Variants in TMEM65 observed in about 807,000 individuals in gnomAD.
TMEM65 encodes transmembrane protein 65.
TMEM65 carries 22 observed loss-of-function variants against 25.4 expected under a neutral mutation model. The observed-to-expected ratio is 0.86, with a 90% CI of 0.62 to 1.23. TMEM65 has a LOEUF of 1.23. TMEM65 is among the 50% of genes most tolerant of loss of function. The probability of loss-of-function intolerance (pLI) is 0.00; values close to 1 mark genes in which losing one functional copy is unlikely to be tolerated. For synonymous variants in TMEM65, 132 were observed against 126.2 expected, an observed-to-expected ratio of 1.05 and a Z score of -0.31; for missense variants, 262 against 308.2, an observed-to-expected ratio of 0.85 and a Z score of 1.12.
At chr8:124,332,734 G>A (rs984929721) in intron 1 of TMEM65, among the ~76,000 whole-genome samples, 1 of 152,026 alleles carries the variant, frequency 6.6e-6, no homozygotes, top group Non-Finnish European at 1.5e-5. Flanking sequence ...CAGAGTACAA[G>A]AGGAATCATG....
intron 1 of TMEM65, among the ~76,000 whole-genome samples, chr8:124,351,825 A>G (rs939984569): frequency 1.3e-5 from 2 of 152,188 alleles, no homozygotes; most frequent in Non-Finnish European, 2.9e-5. Context: ...GCAGTTCAAT[A>G]GCAGTGTCAA....
At chr8:124,338,185 C>G (rs1193741676) in intron 1 of TMEM65, among the ~76,000 whole-genome samples, 1 of 151,974 alleles carries the variant, frequency 6.6e-6, no homozygotes, top group South Asian at 2.1e-4. Flanking sequence ...TTTCCCACAT[C>G]TTTAAATTTT....
At chr8:124,339,813 C>T (rs1010870986) in intron 1 of TMEM65, among the ~76,000 whole-genome samples, 9 of 151,648 alleles carry the variant, frequency 5.9e-5, no homozygotes, top group African/African-American at 2.2e-4. Context: ...GGGACACTGG[C>T]TAACTTTATA....
At chr8:124,326,524 G>T (rs775158993) in intron 3 of TMEM65, among the ~76,000 whole-genome samples, 1 of 151,774 alleles carries the variant, frequency 6.6e-6, no homozygotes, top group Non-Finnish European at 1.5e-5. Flanking sequence ...CTGCCTTCTC[G>T]GAAACTACTA....
At chr8:124,333,473 G>GTGTA (rs1398935149) in intron 1 of TMEM65, among the ~76,000 whole-genome samples, 1 of 122,254 alleles carries the variant, frequency 8.2e-6, no homozygotes, top group Admixed American at 7.6e-5. Context: ...GTGTGTGCGT[G>GTGTA]TGTGTGTGTG....
intron 1 of TMEM65, among the ~76,000 whole-genome samples, chr8:124,367,828 A>C (rs1441024202): frequency 2.0e-5 from 3 of 151,960 alleles, no homozygotes; most frequent in African/African-American, 7.3e-5. Flanking sequence ...TGTCAAAAGC[A>C]CACAATTACC....
intron 1 of TMEM65, among the ~76,000 whole-genome samples, chr8:124,365,989 G>C (rs1814933350): frequency 6.6e-6 from 1 of 152,214 alleles, no homozygotes; most frequent in Non-Finnish European, 1.5e-5. Context: ...GGGAGGCCGA[G>C]GCAGGAGGAT....
chr8:124,327,450 A>G, intron 2 of TMEM65, 29 bp from the exon 3 acceptor site: 1 of 1,437,364 alleles, frequency 7.0e-7, no homozygotes, highest in Non-Finnish European at 9.5e-7. Context: ...AGAAAAATAT[A>G]TTTTAAGATT....
intron 1 of TMEM65, among the ~76,000 whole-genome samples, chr8:124,345,761 T>TTTATTTATTTA (rs1203428605): frequency 1.0e-4 from 10 of 96,764 alleles, no homozygotes; most frequent in Non-Finnish European, 2.0e-4. Context: ...TTATTTATTT[T>TTTATTTATTTA]GAGATGGAGT....
At chr8:124,361,321 G>T (rs113982663) in intron 1 of TMEM65, among the ~76,000 whole-genome samples, 1 of 151,720 alleles carries the variant, frequency 6.6e-6, no homozygotes, top group African/African-American at 2.4e-5. Flanking sequence ...TGTAATCCCA[G>T]CTACTCCAGA....
chr8:124,315,703 A>T (rs372116015), intron 6 of TMEM65, among the ~76,000 whole-genome samples: 1 of 141,732 alleles, frequency 7.1e-6, no homozygotes, highest in Non-Finnish European at 1.5e-5. Flanking sequence ...TTCAACTCTT[A>T]TTTTGAGGCT....
chr8:124,363,378 A>G lies in TMEM65; in HGVS notation c.304+8476T>C, dbSNP rs73333914. Among the ~76,000 whole-genome samples, 500 of 152,280 alleles carry G rather than the reference A, an allele frequency of 3.3e-3. 5 individuals are homozygous for G. The highest frequency in any genetic ancestry group is 0.012 in the African/African-American group (479 of 41,556). ...GTTATCAGTCCTAATTATGGTGATT[A>G]TTTTAAATTAATTATTGTAGGCCAC... is the stretch of plus-strand genomic sequence containing the variant. On this transcript the variant is annotated intron_variant, in intron 1 of 6. Transcript: ENST00000297632.
intron 2 of TMEM65, 59 bp downstream of exon 2, chr8:124,330,689 C>T (rs1415457485): frequency 4.7e-6 from 7 of 1,486,014 alleles, no homozygotes; most frequent in Non-Finnish European, 6.5e-6. Flanking sequence ...ATGAATGATA[C>T]AGTTATTTCA....
intron 1 of TMEM65, among the ~76,000 whole-genome samples, chr8:124,347,235 A>G (rs972054403): frequency 6.6e-6 from 1 of 152,236 alleles, no homozygotes; most frequent in Non-Finnish European, 1.5e-5. Flanking sequence ...TTTAAACAGA[A>G]ATTTTAATTG....
At chr8:124,318,130 T>G (rs993103929) in intron 6 of TMEM65, among the ~76,000 whole-genome samples, 1 of 151,766 alleles carries the variant, frequency 6.6e-6, no homozygotes, top group African/African-American at 2.4e-5. Flanking sequence ...GACATGAGAG[T>G]GCAACAGCAA....
chr8:124,341,475 T>C (rs1814582815), intron 1 of TMEM65, among the ~76,000 whole-genome samples: 1 of 152,096 alleles, frequency 6.6e-6, no homozygotes, highest in African/African-American at 2.4e-5. Context: ...TTTCTTGGAC[T>C]ACTGGTCTAC....
intron 1 of TMEM65, among the ~76,000 whole-genome samples, chr8:124,342,717 T>C (rs993843341): frequency 6.6e-6 from 1 of 152,134 alleles, no homozygotes; most frequent in Non-Finnish European, 1.5e-5. Flanking sequence ...ACAGAAGAGA[T>C]AAAATGATCC....
chr8:124,364,410 A>G (rs1290970607), intron 1 of TMEM65, among the ~76,000 whole-genome samples: 1 of 152,216 alleles, frequency 6.6e-6, no homozygotes, highest in Non-Finnish European at 1.5e-5. Flanking sequence ...CACTACCACT[A>G]TGACAGAGTC....
chr8:124,349,502 A>G lies in TMEM65; in HGVS notation c.305-18710T>C, dbSNP rs537171255. Among the ~76,000 whole-genome samples the G allele has an allele frequency of 1.1e-4, 16 of 152,368 alleles. 1 individual carries two copies. The South Asian group carries it at 3.3e-3, about 32-fold the overall frequency. ...TGGTTCCAAAACAACTGGATACCCT[A>G]TAGCCTGAGGCTAATCCACTGCTAA... On this transcript the variant is annotated intron_variant, in intron 1 of 6. Transcript: ENST00000297632.
Sources: allele counts gnomAD v4.1 joint callset (sites outside exome capture counted in the v4.1 genomes callset), GRCh38; gene constraint gnomAD v4.1.1; transcripts MANE v1.5; gene names NCBI Gene and HGNC (gene_info 2026-07-23, HGNC 2026-07-21).